Variants in NLRP14 observed in about 807,000 individuals in gnomAD.
NLRP14 encodes NACHT, LRR and PYD domains-containing protein 14.
A neutral mutation model predicts 94.7 loss-of-function variants in NLRP14; 105 were observed. The ratio of observed to expected loss-of-function variants is 1.11; its 90% confidence interval spans 0.95 to 1.30. The LOEUF (loss-of-function observed/expected upper bound fraction) is 1.30. NLRP14 is among the 50% of genes most tolerant of loss of function. The pLI is 0.00. For missense variants in NLRP14, 1,362 were observed against 1,254.1 expected, an observed-to-expected ratio of 1.09 and a Z score of -1.30; for synonymous variants, 508 against 459.9, an observed-to-expected ratio of 1.10 and a Z score of -1.34.
At chr11:7,078,462 A>ACAAAG in the NLRP14 span, among the ~76,000 whole-genome samples, 2 of 88,486 alleles carry the variant, frequency 2.3e-5, no homozygotes, top group South Asian at 4.4e-4. Context: ...AAAAAAAAAA[A>ACAAAG]CAAAAAAATT....
At chr11:7,036,949 C>A (rs1024699679) in intron 1 of NLRP14, among the ~76,000 whole-genome samples, 2 of 152,076 alleles carry the variant, frequency 1.3e-5, no homozygotes, top group African/African-American at 4.8e-5. Context: ...CCTTCAGGAA[C>A]AATTGCTTAT....
intron 10 of NLRP14, among the ~76,000 whole-genome samples, chr11:7,068,260 G>C (rs1852737223): frequency 6.6e-6 from 1 of 151,740 alleles, no homozygotes; most frequent in African/African-American, 2.4e-5. Flanking sequence ...TTGTACTTTT[G>C]TTGGGTTTAT....
At chr11:7,084,657 C>A in the NLRP14 span, among the ~76,000 whole-genome samples, 1 of 152,178 alleles carries the variant, frequency 6.6e-6, no homozygotes, top group Admixed American at 6.5e-5. Context: ...CCAGACCCTT[C>A]CAGACCTTGA....
chr11:7,046,620 T>C (rs1852354286), intron 4 of NLRP14, 48 bp from the exon 5 acceptor site: 1 of 1,560,886 alleles, frequency 6.4e-7, no homozygotes, highest in Non-Finnish European at 8.8e-7. Context: ...TTGGCTAGGC[T>C]GAAATAAAAT....
At chr11:7,089,786 C>T in the NLRP14 span, 2 of 1,596,114 alleles carry the variant, frequency 1.3e-6, no homozygotes, top group East Asian at 4.5e-5. Flanking sequence ...GCTACTCGAG[C>T]CGAGACTACC....
intron 10 of NLRP14, among the ~76,000 whole-genome samples, 168 bp downstream of exon 10, chr11:7,062,671 T>G (rs1589871990): frequency 1.3e-5 from 2 of 152,100 alleles, no homozygotes; most frequent in African/African-American, 2.4e-5. Flanking sequence ...GTACTGCATG[T>G]TCTTTAGTAT....
the NLRP14 span, among the ~76,000 whole-genome samples, chr11:7,080,856 G>A: frequency 6.6e-6 from 1 of 152,206 alleles, no homozygotes; most frequent in South Asian, 2.1e-4. Flanking sequence ...GGCCGATTGT[G>A]GTCAGGATCA....
At position 7,049,752 on chromosome 11, in the gene NLRP14, C is replaced by A. The variant is rs777115820; in HGVS notation, c.2205C>A (p.Asp735Glu). ...ATAACAAGAATCTGATGCATCTTGA[C>A]CTAAAAGGGAGTGATATAGGGGATA... ...LIHNKNLMHL[D>E]LKGSDIGDNG... The change falls in exon 6 of 12, where the codon GAC becomes GAA. Residue 735 changes from aspartate to glutamate, a missense_variant. By Grantham distance (45) the Asp-to-Glu change is conservative. Coordinates refer to ENST00000299481, the MANE Select transcript of NLRP14 (RefSeq NM_176822.4). 1.2e-6 allele frequency: 2 copies of A among 1,609,394 alleles called. No homozygotes were observed. The highest frequency in any genetic ancestry group is 2.2e-5 in the South Asian group (2 of 91,004).
the NLRP14 span, chr11:7,089,276 G>A: frequency 6.2e-7 from 1 of 1,608,740 alleles, no homozygotes; most frequent in African/African-American, 1.3e-5. Context: ...GGGGCTTCGC[G>A]TTCGTCACCT....
the NLRP14 span, among the ~76,000 whole-genome samples, chr11:7,084,215 CAA>C: frequency 1.1e-4 from 17 of 152,192 alleles, no homozygotes; most frequent in Non-Finnish European, 2.4e-4. Context: ...CACAATATTC[CAA>C]AGTCAGTCCT....
chr11:7,067,893 G>T (rs1407896761), intron 10 of NLRP14, among the ~76,000 whole-genome samples: 1 of 151,980 alleles, frequency 6.6e-6, no homozygotes, highest in Non-Finnish European at 1.5e-5. Context: ...TTTGAACTTT[G>T]TAACAATTTC....
chr11:7,037,376 C>A (rs547894523), intron 1 of NLRP14, among the ~76,000 whole-genome samples: 19 of 152,144 alleles, frequency 1.2e-4, no homozygotes, highest in Non-Finnish European at 2.4e-4. Flanking sequence ...AAGAAAAACT[C>A]TCCCTTCTAT....
chr11:7,057,550 A>G (rs940693903), intron 6 of NLRP14, 127 bp from the exon 7 acceptor site: 1 of 845,686 alleles, frequency 1.2e-6, no homozygotes, highest in Admixed American at 1.8e-5. Flanking sequence ...TTTTCTGTGT[A>G]GAGAAGTTGG....
intron 4 of NLRP14, 75 bp downstream of exon 4, chr11:7,044,059 G>A (rs1184793834): frequency 1.2e-5 from 16 of 1,376,522 alleles, no homozygotes; most frequent in Middle Eastern, 1.9e-4. Context: ...GGGAGGAGGC[G>A]TTTAGCTGAG....
In NLRP14 at chr11:7,059,866, A is replaced by G. The variant is rs758969220; in HGVS notation, c.2634-28A>G. 1.9e-5 allele frequency: 30 copies of G among 1,594,344 alleles called. No individual in the cohort carries two copies. In the East Asian group the frequency reaches 6.0e-4, roughly 32 times the overall value. ...CTCTGGACAGTAGAGCAATGATTCC[A>G]TCTTTCTTCACATTGTCCTTCCTGT... is the stretch of plus-strand genomic sequence containing the variant. On this transcript the variant is annotated intron_variant, in intron 8 of 11. Coordinates refer to ENST00000299481, the MANE Select transcript of NLRP14 (RefSeq NM_176822.4).
At chr11:7,040,576 A>G (rs757035491) in intron 3 of NLRP14, among the ~76,000 whole-genome samples, 48 of 152,198 alleles carry the variant, frequency 3.2e-4, no homozygotes, top group Non-Finnish European at 5.9e-4. Flanking sequence ...CCACTGGTTT[A>G]TTAACACCAT....
At position 7,043,108 on chromosome 11, in the gene NLRP14, T is replaced by C. The variant is rs1852289332; in HGVS notation, c.1082T>C (p.Met361Thr). The C allele has an allele frequency of 3.1e-6, 5 of 1,614,188 alleles. No individual in the cohort carries two copies. Among genetic ancestry groups the C allele is most frequent in the Non-Finnish European group, 3.4e-6 (4 of 1,180,030 alleles). ...TTCAGTTCACTAAAAAGCAATGAGA[T>C]GCTGTTTAGCATGTGCCAAGTCCCC... ...KVFSSLKSNE[M>T]LFSMCQVPLV... Residue 361 changes from methionine (M) to threonine (T), a missense_variant, in exon 4 of 12, where the codon ATG (methionine) becomes ACG (threonine). By Grantham distance (81) the Met-to-Thr change is moderately conservative. Transcript: ENST00000299481.
chr11:7,022,620 A>C (rs780278150), intron 1 of NLRP14, among the ~76,000 whole-genome samples: 2 of 152,224 alleles, frequency 1.3e-5, no homozygotes. Context: ...TAAGATGAAC[A>C]GGGAAAGAAG....
chr11:7,050,246 T>A (rs1565020232), intron 6 of NLRP14, among the ~76,000 whole-genome samples: 1 of 152,230 alleles, frequency 6.6e-6, no homozygotes, highest in East Asian at 1.9e-4. Flanking sequence ...CTCACTATTA[T>A]TTGATTTTTG....
Sources: gnomAD v4.1 joint callset for allele counts (sites outside exome capture counted in the v4.1 genomes callset) on GRCh38, gnomAD v4.1.1 for gene constraint, MANE v1.5 for transcripts, NCBI Gene and HGNC (gene_info 2026-07-23, HGNC 2026-07-21) for gene names.